The following PRAMEF20 variants were observed in gnomAD, a reference collection of about 807,000 sequenced individuals.
The protein encoded by PRAMEF20 is PRAME family member 20, also known as PRAME family member 20/21.
Under a neutral mutation model 32.4 loss-of-function variants are expected in PRAMEF20, and 27 were observed. That is an observed-to-expected ratio of 0.83 (90% CI 0.61 to 1.15). PRAMEF20 has a LOEUF of 1.15. Among genes scored for constraint, PRAMEF20 ranks in the 50% most tolerant of loss-of-function variants. PRAMEF20 has a pLI of 0.00. For synonymous variants in PRAMEF20, 256 were observed against 235.4 expected (o/e 1.09, Z -0.80); for missense variants, 604 against 584.5 (o/e 1.03, Z -0.34).
At chr1:13,416,099 C>A (rs1641166287), upstream of PRAMEF20, among the ~76,000 whole-genome samples, 1 of 152,204 alleles carries the variant, frequency 6.6e-6, no homozygotes, top group South Asian at 2.1e-4. Context: ...TGGATGAGCA[C>A]TGGATAGAAA....
intron 1 of PRAMEF20, among the ~76,000 whole-genome samples, chr1:13,417,908 ATTT>A (rs1641197099): frequency 3.8e-4 from 16 of 42,510 alleles, no homozygotes; most frequent in African/African-American, 8.0e-4. Context: ...CGCCCGGCTA[ATTT>A]GTGTGTGTGT....
chr1:13,410,825 T>C, the PRAMEF20 span, among the ~76,000 whole-genome samples: 2 of 151,994 alleles, frequency 1.3e-5, no homozygotes, highest in Non-Finnish European at 2.9e-5. Context: ...TCAAGACCAA[T>C]CTGGGCAACA....
At chr1:13,420,206 G>T (rs2172171) in intron 2 of PRAMEF20, among the ~76,000 whole-genome samples, 23,561 of 151,846 alleles carry the variant, frequency 0.16, 2,074 homozygotes, top group East Asian at 0.36. Flanking sequence ...GCCTGAAATG[G>T]GTTTTTTATT....
intron 1 of PRAMEF20, among the ~76,000 whole-genome samples, chr1:13,416,977 G>C (rs1468531684): frequency 6.6e-6 from 1 of 152,154 alleles, no homozygotes; most frequent in South Asian, 2.1e-4. Context: ...TTCAAGACCA[G>C]CCTGGCCAAC....
upstream of PRAMEF20, among the ~76,000 whole-genome samples, chr1:13,415,424 A>T (rs1473069295): frequency 1.3e-5 from 2 of 152,144 alleles, no homozygotes; most frequent in Non-Finnish European, 2.9e-5. Flanking sequence ...GTGTATGGAA[A>T]CATCTCTGTC....
At chr1:13,414,810 G>A (rs3013067), upstream of PRAMEF20, among the ~76,000 whole-genome samples, 4 of 151,206 alleles carry the variant, frequency 2.6e-5, no homozygotes, top group Admixed American at 2.6e-4. Context: ...TATATATATA[G>A]AGAGAGAGAG....
At chr1:13,417,910 T>TGTGTGTGTGTGTGTGTGTG (rs1369049111) in intron 1 of PRAMEF20, among the ~76,000 whole-genome samples, 1,315 of 124,252 alleles carry the variant, frequency 0.011, 89 homozygotes, top group Admixed American at 0.018. Context: ...CCCGGCTAAT[T>TGTGTGTGTGTGTGTGTGTG]TGTGTGTGTG....
chr1:13,416,967 T>C (rs1206688175), intron 1 of PRAMEF20, among the ~76,000 whole-genome samples: 2 of 151,602 alleles, frequency 1.3e-5, no homozygotes, highest in African/African-American at 4.8e-5. Flanking sequence ...AAGTCAGGAG[T>C]TCAAGACCAG....
chr1:13,417,311 G>A (rs1016881123), intron 1 of PRAMEF20, among the ~76,000 whole-genome samples: 1 of 151,968 alleles, frequency 6.6e-6, no homozygotes, highest in Non-Finnish European at 1.5e-5. Context: ...GCTGATTGGT[G>A]CATTTTATAG....
exon 3 of PRAMEF20, chr1:13,420,742 G>A: frequency 6.2e-7 from 1 of 1,613,906 alleles, no homozygotes; most frequent in East Asian, 2.2e-5. Flanking sequence ...CTAACTGTGT[G>A]CTTTTGGAAT....
At chr1:13,417,954 T>TG (rs1641199873) in intron 1 of PRAMEF20, among the ~76,000 whole-genome samples, 168 bp from the exon 3 acceptor site, 3 of 55,786 alleles carry the variant, frequency 5.4e-5, no homozygotes, top group Admixed American at 2.3e-4. Context: ...GTGTGTGTGT[T>TG]TAGTAGAGAC....
chr1:13,418,848 C>T lies in PRAMEF20; in HGVS notation c.866+148C>T, dbSNP rs1203131574. 4.2e-6 allele frequency: 6 copies of T among 1,434,114 alleles called. No individual in the cohort carries two copies. The East Asian group carries it at 1.1e-4, about 27-fold the overall frequency. 88.8% of individuals were successfully genotyped at this position (1,434,114 alleles called of 1,614,324 possible). ...ATTTTCCTGTTGGAAGTGGGTATCA[C>T]ACATTCATCCCAATGAAGACAGAGG... On this transcript the variant is annotated intron_variant, in intron 2 of 2. Transcript: ENST00000602960.
intron 1 of PRAMEF20, 36 bp from the exon 3 acceptor site, chr1:13,418,086 C>T (rs1324655565): frequency 6.2e-7 from 1 of 1,611,716 alleles, no homozygotes; most frequent in Non-Finnish European, 8.5e-7. Flanking sequence ...AGAAGTGAGT[C>T]CTTAAATTCT....
intron 2 of PRAMEF20, 90 bp downstream of exon 3, chr1:13,418,790 G>A: frequency 3.8e-6 from 6 of 1,597,520 alleles, no homozygotes; most frequent in South Asian, 2.2e-5. Flanking sequence ...CTATGAGGAT[G>A]TAACAGTAAA....
chr1:13,418,339 C>CTATG lies in PRAMEF20; in HGVS notation c.506_509dup (p.Trp170CysfsTer15). On this transcript the variant is annotated frameshift_variant, in exon 2 of 3. Transcript: ENST00000602960. LOFTEE classifies it high-confidence loss of function. ...GGATGAATACTTCACCTGCCTCTTT[C>CTATG]TATGGGTCAAGCAGAGGGAAGGTTT... is the stretch of plus-strand genomic sequence containing the variant. 1 of 1,613,858 alleles carries CTATG rather than the reference C, an allele frequency of 6.2e-7. No individual in the cohort carries two copies. Among genetic ancestry groups the CTATG allele is most frequent in the Non-Finnish European group, 8.5e-7 (1 of 1,179,860 alleles).
exon 2 of PRAMEF20, chr1:13,418,211 C>T (rs1393294173): frequency 9.3e-6 from 15 of 1,613,798 alleles, no homozygotes; most frequent in South Asian, 8.8e-5. Flanking sequence ...AGGTGCTTAC[C>T]AAATGCCATG....
upstream of PRAMEF20, among the ~76,000 whole-genome samples, chr1:13,414,615 C>T (rs1052833762): frequency 2.0e-5 from 3 of 151,624 alleles, no homozygotes; most frequent in South Asian, 2.1e-4. Flanking sequence ...CATGCCACCA[C>T]GCCCAGCTAA....
chr1:13,415,899 A>C (rs1258693824), upstream of PRAMEF20, among the ~76,000 whole-genome samples: 5 of 152,260 alleles, frequency 3.3e-5, no homozygotes, highest in African/African-American at 1.2e-4. Flanking sequence ...AAAAGAAAAC[A>C]AAACAAATAG....
At chr1:13,416,756 G>C (rs964813749) in intron 1 of PRAMEF20, 115 bp downstream of exon 2, 488 of 1,580,216 alleles carry the variant, frequency 3.1e-4, no homozygotes, top group Non-Finnish European at 4.0e-4. Context: ...AATGGTTTTG[G>C]TGAGGAAGCT....
Sources: allele counts gnomAD v4.1 joint callset (sites outside exome capture counted in the v4.1 genomes callset), GRCh38; gene constraint gnomAD v4.1.1; transcripts MANE v1.5; gene names NCBI Gene and HGNC (gene_info 2026-07-23, HGNC 2026-07-21).